FRMPD4: variants seen among roughly 807,000 people sequenced by gnomAD.
FRMPD4 encodes the protein FERM and PDZ domain containing 4.
In FRMPD4, 22 loss-of-function variants were observed where a neutral mutation model predicts 94.1. That is an observed-to-expected ratio of 0.23 (90% CI 0.17 to 0.33). The LOEUF (loss-of-function observed/expected upper bound fraction) is 0.33, where lower values mean the gene tolerates loss of function less well. Ranked by LOEUF, FRMPD4 falls within the 10% of genes least tolerant of loss-of-function variation. The pLI, the probability that FRMPD4 is intolerant of heterozygous loss-of-function variation, is 1.00. For synonymous variants in FRMPD4, 631 were observed against 548.6 expected (o/e 1.15, Z -2.10); for missense variants, 1,111 against 1,339.9 (o/e 0.83, Z 2.67).
At chrX:11,869,298 C>T (rs1256062107) in intron 2 of FRMPD4, among the ~76,000 whole-genome samples, 4 of 112,143 alleles carry the variant, frequency 3.6e-5, no homozygotes, top group Non-Finnish European at 7.5e-5. Context: ...GCAATAGATT[C>T]ATTATGTGGC....
chrX:12,084,805 T>C (rs1340563480), intron 3 of FRMPD4, among the ~76,000 whole-genome samples: 2 of 112,275 alleles, frequency 1.8e-5, no homozygotes, highest in Non-Finnish European at 3.8e-5. Flanking sequence ...CCCTTGTGTA[T>C]GGAAGATTTG....
At chrX:12,372,912 T>C (rs774201843) in intron 1 of FRMPD4, among the ~76,000 whole-genome samples, 5 of 111,872 alleles carry the variant, frequency 4.5e-5, no homozygotes, top group Non-Finnish European at 9.4e-5. Context: ...GAACACCATC[T>C]TTCTGGGACT....
At chrX:11,870,062 G>A (rs912760326) in intron 2 of FRMPD4, among the ~76,000 whole-genome samples, 1 of 111,808 alleles carries the variant, frequency 8.9e-6, no homozygotes, top group African/African-American at 3.2e-5. Context: ...ATTGAATTTT[G>A]ATCTGAGGAT....
intron 1 of FRMPD4, among the ~76,000 whole-genome samples, chrX:12,150,630 A>G (rs2055835259): frequency 8.9e-6 from 1 of 112,176 alleles, no homozygotes; most frequent in African/African-American, 3.2e-5. Flanking sequence ...TTTTCTTTAT[A>G]TGCTCTATAT....
At chrX:12,382,085 A>G (rs2056325805) in intron 1 of FRMPD4, among the ~76,000 whole-genome samples, 1 of 111,375 alleles carries the variant, frequency 9.0e-6, no homozygotes, top group South Asian at 3.8e-4. Context: ...TCTAGTGGTG[A>G]AGGCAGCTCT....
chrX:12,640,278 G>A (rs1035956397), intron 4 of FRMPD4, among the ~76,000 whole-genome samples: 2 of 71,427 alleles, frequency 2.8e-5, no homozygotes, highest in African/African-American at 5.9e-5. Context: ...CAGCCTGGAC[G>A]ACAAAGTGAG....
At chrX:11,935,294 T>A in intron 3 of FRMPD4, among the ~76,000 whole-genome samples, 1 of 31,248 alleles carries the variant, frequency 3.2e-5, no homozygotes, top group Non-Finnish European at 6.2e-5. Flanking sequence ...TTTTTTTTTT[T>A]TTATTATACT....
chrX:11,978,716 T>C (rs770636814), intron 3 of FRMPD4, among the ~76,000 whole-genome samples: 189 of 111,914 alleles, frequency 1.7e-3, no homozygotes, highest in African/African-American at 5.9e-3. Context: ...TGCCCGACAA[T>C]ACAAAACTTT....
chrX:11,914,710 C>T (rs1202090512), intron 3 of FRMPD4, among the ~76,000 whole-genome samples: 3 of 112,397 alleles, frequency 2.7e-5, no homozygotes, highest in African/African-American at 9.7e-5. Context: ...AAACTTGAAG[C>T]AAACAAACAA....
At chrX:12,531,648 C>T (rs1255306068) in intron 2 of FRMPD4, among the ~76,000 whole-genome samples, 1 of 111,500 alleles carries the variant, frequency 9.0e-6, no homozygotes, top group Non-Finnish European at 1.9e-5. Flanking sequence ...ATATTGGTGA[C>T]TTGGCTGACA....
intron 1 of FRMPD4, among the ~76,000 whole-genome samples, chrX:12,462,537 C>T (rs1289336562): frequency 9.0e-6 from 1 of 111,691 alleles, no homozygotes; most frequent in Non-Finnish European, 1.9e-5. Flanking sequence ...TCCTTTAATG[C>T]CCTTAGAGAA....
intron 2 of FRMPD4, among the ~76,000 whole-genome samples, chrX:12,528,304 T>G (rs1045154711): frequency 6.0e-5 from 6 of 99,798 alleles, no homozygotes; most frequent in East Asian, 6.1e-4. Flanking sequence ...TGTTAGTCTG[T>G]TTTTTTTTGT....
chrX:12,412,956 T>G (rs886228010), intron 1 of FRMPD4, among the ~76,000 whole-genome samples: 1 of 109,369 alleles, frequency 9.1e-6, no homozygotes, highest in African/African-American at 3.4e-5. Flanking sequence ...GTAGTAAAAA[T>G]AATAATACTG....
intron 1 of FRMPD4, among the ~76,000 whole-genome samples, chrX:11,839,335 G>C (rs533450602): frequency 9.0e-6 from 1 of 111,249 alleles, no homozygotes; most frequent in Non-Finnish European, 1.9e-5. Flanking sequence ...TTTTATTTGC[G>C]TTTCCTTAAT....
At chrX:11,977,002 G>GT (rs200394823) in intron 3 of FRMPD4, among the ~76,000 whole-genome samples, 4 of 109,299 alleles carry the variant, frequency 3.7e-5, no homozygotes, top group East Asian at 5.7e-4. Flanking sequence ...TCATTTGTTT[G>GT]TTTTTTTTTA....
At chrX:11,928,625 T>G (rs1443476862) in intron 3 of FRMPD4, among the ~76,000 whole-genome samples, 1 of 111,758 alleles carries the variant, frequency 8.9e-6, no homozygotes, top group Non-Finnish European at 1.9e-5. Flanking sequence ...TACTTGTGAG[T>G]CTGTAAAGAA....
chrX:11,904,179 C>T (rs1166825729), intron 3 of FRMPD4, among the ~76,000 whole-genome samples: 3 of 111,707 alleles, frequency 2.7e-5, no homozygotes. Flanking sequence ...CACATTTATC[C>T]CCTCTGTCTC....
At chrX:12,539,093 CG>C (rs1412594490) in intron 2 of FRMPD4, among the ~76,000 whole-genome samples, 1 of 112,080 alleles carries the variant, frequency 8.9e-6, no homozygotes, top group Non-Finnish European at 1.9e-5. Flanking sequence ...AGTCCTTAAA[CG>C]ACCTGATGGA....
intron 3 of FRMPD4, among the ~76,000 whole-genome samples, chrX:12,003,024 T>C (rs781737892): frequency 4.5e-5 from 5 of 111,449 alleles, no homozygotes; most frequent in Admixed American, 9.5e-5. Flanking sequence ...GTCCACCAAC[T>C]ACTCTAGAAG....
Sources: allele counts gnomAD v4.1 joint callset (sites outside exome capture counted in the v4.1 genomes callset), GRCh38; gene constraint gnomAD v4.1.1; transcripts MANE v1.5; gene names NCBI Gene and HGNC (gene_info 2026-07-23, HGNC 2026-07-21).